The following FAM20B variants were observed in gnomAD, a reference collection of about 807,000 sequenced individuals.
FAM20B encodes glycosaminoglycan xylosylkinase.
FAM20B carries 23 observed loss-of-function variants against 43.8 expected under a neutral mutation model. The ratio of observed to expected loss-of-function variants is 0.53; its 90% CI spans 0.38 to 0.74. The LOEUF (loss-of-function observed/expected upper bound fraction) is 0.74. FAM20B is among the 30% of genes least tolerant of loss of function. The probability of loss-of-function intolerance (pLI) is 0.00; values close to 1 mark genes in which losing one functional copy is unlikely to be tolerated. For missense variants in FAM20B, 440 were observed against 510.5 expected, an observed-to-expected ratio of 0.86 and a Z score of 1.33; for synonymous variants, 178 against 192.4, an observed-to-expected ratio of 0.93 and a Z score of 0.62.
At chr1:179,056,205 CA>C (rs1271967648) in intron 4 of FAM20B, among the ~76,000 whole-genome samples, 1 of 152,146 alleles carries the variant, frequency 6.6e-6, no homozygotes, top group African/African-American at 2.4e-5. Context: ...TGGGTTTGGA[CA>C]AATATATAAT....
chr1:179,034,005 A>G (rs1650115944), intron 1 of FAM20B, among the ~76,000 whole-genome samples: 1 of 151,942 alleles, frequency 6.6e-6, no homozygotes, highest in Middle Eastern at 3.2e-3. Flanking sequence ...TATTTCTTAT[A>G]ATTATATAGG....
chr1:179,040,624 G>T (rs1258664340), intron 1 of FAM20B, among the ~76,000 whole-genome samples: 1 of 135,052 alleles, frequency 7.4e-6, no homozygotes, highest in South Asian at 2.3e-4. Context: ...GGGCAGAGGC[G>T]CCCCTCACCT....
At chr1:179,070,515 CTTTTTTTTTTTTT>C (rs61169246) in intron 7 of FAM20B, among the ~76,000 whole-genome samples, 54 of 57,778 alleles carry the variant, frequency 9.3e-4, no homozygotes, top group African/African-American at 4.9e-3. Context: ...CTGAACTCGC[CTTTTTTTTTTTTT>C]TTTTTTTTTT....
At chr1:179,029,790 C>T (rs1649933235) in intron 1 of FAM20B, among the ~76,000 whole-genome samples, 1 of 152,136 alleles carries the variant, frequency 6.6e-6, no homozygotes, top group South Asian at 2.1e-4. Flanking sequence ...ATAGCAATGC[C>T]TCATTTACCT....
At chr1:179,029,997 G>A (rs1649941089) in intron 1 of FAM20B, among the ~76,000 whole-genome samples, 1 of 152,210 alleles carries the variant, frequency 6.6e-6, no homozygotes, top group South Asian at 2.1e-4. Flanking sequence ...AGTCGATTCA[G>A]TAGTCAGTCT....
At chr1:179,065,698 G>A (rs1487377216) in intron 6 of FAM20B, among the ~76,000 whole-genome samples, 7 of 152,126 alleles carry the variant, frequency 4.6e-5, no homozygotes, top group Admixed American at 4.6e-4. Flanking sequence ...TTACAGCAAA[G>A]CACATAGCAC....
At chr1:179,051,927 C>A (rs563180264) in intron 3 of FAM20B, among the ~76,000 whole-genome samples, 1 of 151,854 alleles carries the variant, frequency 6.6e-6, no homozygotes, top group Non-Finnish European at 1.5e-5. Context: ...GGATTACAGA[C>A]GTGAGTCACC....
intron 4 of FAM20B, among the ~76,000 whole-genome samples, chr1:179,062,684 C>T (rs1651520960): frequency 6.6e-6 from 1 of 151,842 alleles, no homozygotes; most frequent in Non-Finnish European, 1.5e-5. Context: ...CAAAAAAAAA[C>T]ACCCATCAAT....
upstream of FAM20B, among the ~76,000 whole-genome samples, chr1:179,022,087 G>A (rs915357562): frequency 9.2e-5 from 14 of 152,292 alleles, no homozygotes; most frequent in East Asian, 1.9e-4. Context: ...TGGGCAGTCC[G>A]TTGCTATAAG....
chr1:179,038,800 T>G (rs776610445), intron 1 of FAM20B, among the ~76,000 whole-genome samples: 1 of 152,242 alleles, frequency 6.6e-6, no homozygotes, highest in African/African-American at 2.4e-5. Context: ...TGAATTGCCT[T>G]TGTTTCAGCT....
At chr1:179,039,799 A>C (rs1650404974) in intron 1 of FAM20B, among the ~76,000 whole-genome samples, 1 of 151,654 alleles carries the variant, frequency 6.6e-6, no homozygotes, top group Admixed American at 6.6e-5. Context: ...TGGCAGGGTC[A>C]TAGGACAATA....
chr1:179,074,615 T>C lies in FAM20B; in HGVS notation c.*2471T>C, dbSNP rs1333739950. On this transcript the variant is annotated 3_prime_UTR_variant, in exon 8 of 8. Transcript: ENST00000263733. ...TTCTTGAAAGCATTTGCAGAAAATA[T>C]ATCATTTCATTTTATTCCCATCTGT... 2.0e-5 allele frequency: 3 copies of C among 152,196 alleles called. No individual in the cohort carries two copies. The highest frequency in any genetic ancestry group is 1.9e-4 in the East Asian group (1 of 5,194). 9.4% of individuals were successfully genotyped at this position (152,196 alleles called of 1,614,324 possible). A position where few individuals can be genotyped will look rare whatever the true frequency, so the allele number is the denominator to read the frequency against.
At chr1:179,046,654 A>G (rs1650785979) in intron 2 of FAM20B, among the ~76,000 whole-genome samples, 1 of 151,848 alleles carries the variant, frequency 6.6e-6, no homozygotes, top group African/African-American at 2.4e-5. Context: ...CTCCATCTCA[A>G]AAACGTAAAA....
intron 3 of FAM20B, among the ~76,000 whole-genome samples, chr1:179,052,817 G>C (rs1651060823): frequency 6.6e-6 from 1 of 152,124 alleles, no homozygotes. Context: ...GACCTTATCT[G>C]TTTGCCTCTT....
At chr1:179,041,808 A>G (rs1035139087) in intron 1 of FAM20B, among the ~76,000 whole-genome samples, 10 of 151,964 alleles carry the variant, frequency 6.6e-5, no homozygotes, top group Admixed American at 2.6e-4. Context: ...TTGTTGTCTT[A>G]CCAGAATGAG....
chr1:179,040,250 CACCTCCCAGA>C, intron 1 of FAM20B, among the ~76,000 whole-genome samples: 1 of 152,260 alleles, frequency 6.6e-6, no homozygotes, highest in African/African-American at 2.4e-5. Flanking sequence ...CCGTTGGGCA[CACCTCCCAGA>C]CGGGGTGGTG....
chr1:179,043,683 G>T (rs1432173005), intron 1 of FAM20B, 32 bp from the exon 2 acceptor site: 8 of 601,036 alleles, frequency 1.3e-5, no homozygotes, highest in South Asian at 8.6e-5. Context: ...CAGAATTTTT[G>T]ATCAAATTTT....
In FAM20B at chr1:179,048,896, GC is replaced by G. The variant is rs1490440279; in HGVS notation, c.378-1381del. ...AAGGTCATTTAAGTTGAAGTTCACTGCCTTTTATAGTACTGTTTTCCACTTC... is the reference window on the plus strand; with the variant it reads ...AAGGTCATTTAAGTTGAAGTTCACTGCTTTTATAGTACTGTTTTCCACTTC... On this transcript the variant is annotated intron_variant, in intron 2 of 7. Transcript: ENST00000263733. Among the ~76,000 whole-genome samples, 4 of 152,132 alleles carry G rather than the reference GC, an allele frequency of 2.6e-5. No homozygotes were observed. In the South Asian group the frequency reaches 8.3e-4, roughly 31 times the overall value.
chr1:179,043,956 G>A lies in FAM20B; in HGVS notation c.109G>A (p.Asp37Asn), dbSNP rs1375436062. 6.2e-7 allele frequency: 1 copy of A among 1,614,092 alleles called. No individual in the cohort carries two copies. The highest frequency in any genetic ancestry group is 2.2e-5 in the East Asian group (1 of 44,876). ...NLDTSAANRE[D>N]QRAFHRMMTG... ...AGATACATCAGCTGCCAACCGGGAG[G>A]ACCAGAGGGCCTTTCACCGAATGAT... The change falls in exon 2 of 8, where the codon GAC becomes AAC. Residue 37 changes from aspartate (D) to asparagine (N), a missense_variant. Transcript: ENST00000263733.
Sources: gnomAD v4.1 joint callset for allele counts (sites outside exome capture counted in the v4.1 genomes callset) on GRCh38, gnomAD v4.1.1 for gene constraint, MANE v1.5 for transcripts, NCBI Gene and HGNC (gene_info 2026-07-23, HGNC 2026-07-21) for gene names.